Variants in GRID2 observed in about 807,000 individuals in gnomAD.
GRID2 encodes the protein glutamate receptor ionotropic, delta-2.
In GRID2, 33 loss-of-function variants were observed where a neutral mutation model predicts 114.8. The ratio of observed to expected loss-of-function variants is 0.29; its 90% CI spans 0.22 to 0.38. GRID2 has a LOEUF of 0.38. Ranked by LOEUF, GRID2 falls within the 10% of genes least tolerant of loss-of-function variation. The pLI, the probability that GRID2 is intolerant of heterozygous loss-of-function variation, is 1.00. For synonymous variants in GRID2, 505 were observed against 449.9 expected (o/e 1.12, Z -1.55); for missense variants, 1,184 against 1,257.7 (o/e 0.94, Z 0.89).
intron 11 of GRID2, among the ~76,000 whole-genome samples, chr4:93,457,311 A>G (rs572559098): frequency 6.6e-6 from 1 of 152,214 alleles, no homozygotes; most frequent in Non-Finnish European, 1.5e-5. Context: ...TTCTTGAGGA[A>G]GATGAATGGA....
At chr4:92,957,849 C>G (rs1290037318) in intron 2 of GRID2, among the ~76,000 whole-genome samples, 1 of 151,758 alleles carries the variant, frequency 6.6e-6, no homozygotes, top group Admixed American at 6.6e-5. Flanking sequence ...TGTAGTTTTC[C>G]TCATATAGAT....
intron 14 of GRID2, among the ~76,000 whole-genome samples, chr4:93,700,153 G>A (rs564658665): frequency 6.6e-6 from 1 of 152,074 alleles, no homozygotes; most frequent in East Asian, 1.9e-4. Context: ...CTTTACATTG[G>A]GATACTTTCA....
chr4:93,094,825 T>C (rs1351122668), intron 3 of GRID2, among the ~76,000 whole-genome samples: 1 of 151,882 alleles, frequency 6.6e-6, no homozygotes, highest in Non-Finnish European at 1.5e-5. Flanking sequence ...TTAGCCAAAA[T>C]TGAATTAAAG....
At position 93,784,645 on chromosome 4, in the gene GRID2, T is replaced by TACACACACACAC. The variant is rs59896203; in HGVS notation, c.221+15214_221+15225dup. The stretch of plus-strand genomic sequence containing the variant: ...TTTTATATTTTCAGAGTCCTTTTTA[T>TACACACACACAC]ACACACACACACACACACACACACA... On this transcript the variant is annotated intron_variant, in intron 1 of 1. Transcript: ENST00000637838. 2.1e-3 allele frequency among the ~76,000 whole-genome samples: 308 copies of TACACACACACAC among 147,734 alleles called. 1 individual carries two copies. The highest frequency in any genetic ancestry group is 7.3e-3 in the African/African-American group (294 of 40,086).
At chr4:93,466,375 G>A (rs1724272362) in intron 11 of GRID2, among the ~76,000 whole-genome samples, 1 of 152,202 alleles carries the variant, frequency 6.6e-6, no homozygotes, top group Admixed American at 6.5e-5. Context: ...GCAAGACAGA[G>A]GTAGAAGAAA....
intron 2 of GRID2, among the ~76,000 whole-genome samples, chr4:92,848,244 T>C (rs1743488805): frequency 6.6e-6 from 1 of 151,086 alleles, no homozygotes; most frequent in African/African-American, 2.4e-5. Context: ...CACAGAGATC[T>C]AGTTGCTAAT....
At chr4:92,407,231 C>G (rs560967486) in intron 1 of GRID2, among the ~76,000 whole-genome samples, 1 of 152,198 alleles carries the variant, frequency 6.6e-6, no homozygotes, top group South Asian at 2.1e-4. Flanking sequence ...CTGGGGATTA[C>G]AGTTCAAGGT....
At chr4:92,340,739 C>T (rs988730869) in intron 1 of GRID2, among the ~76,000 whole-genome samples, 6 of 152,306 alleles carry the variant, frequency 3.9e-5, no homozygotes, top group African/African-American at 1.2e-4. Flanking sequence ...CAGCATATTG[C>T]ATTGCAATTA....
chr4:92,384,537 T>C (rs1389687036), intron 1 of GRID2, among the ~76,000 whole-genome samples: 1 of 44,068 alleles, frequency 2.3e-5, no homozygotes, highest in Non-Finnish European at 4.2e-5. Flanking sequence ...TAATATATAA[T>C]ATAATATATA....
intron 14 of GRID2, among the ~76,000 whole-genome samples, chr4:93,741,331 C>G (rs1225471842): frequency 6.6e-6 from 1 of 151,178 alleles, no homozygotes; most frequent in East Asian, 1.9e-4. Flanking sequence ...AGGAAGATGG[C>G]AATGAGTGTT....
At chr4:93,794,207 C>T (rs1480090974) in intron 1 of GRID2, among the ~76,000 whole-genome samples, 2 of 152,112 alleles carry the variant, frequency 1.3e-5, no homozygotes, top group African/African-American at 4.8e-5. Flanking sequence ...TTTTAGATGG[C>T]AGTGATACGT....
chr4:92,648,905 T>A (rs1169089873), intron 2 of GRID2, among the ~76,000 whole-genome samples: 1 of 145,208 alleles, frequency 6.9e-6, no homozygotes. Flanking sequence ...ATCAGATACA[T>A]AAATATGATA....
intron 1 of GRID2, among the ~76,000 whole-genome samples, chr4:92,323,282 G>A (rs1726415366): frequency 1.3e-5 from 2 of 152,012 alleles, no homozygotes; most frequent in African/African-American, 2.4e-5. Context: ...TTTCATAAGT[G>A]TATATACATT....
chr4:93,674,172 A>T (rs2110072641), intron 14 of GRID2, among the ~76,000 whole-genome samples: 1 of 152,274 alleles, frequency 6.6e-6, no homozygotes, highest in East Asian at 1.9e-4. Context: ...AGTCAAAACA[A>T]ATTATATCTA....
intron 2 of GRID2, among the ~76,000 whole-genome samples, chr4:92,684,220 T>A (rs182410591): frequency 1.6e-3 from 237 of 152,114 alleles, no homozygotes; most frequent in African/African-American, 5.5e-3. Context: ...AATATCTAAT[T>A]TCAGAGGTGG....
chr4:93,086,070 T>G (rs1393092263), intron 3 of GRID2, among the ~76,000 whole-genome samples: 1 of 152,132 alleles, frequency 6.6e-6, no homozygotes, highest in Non-Finnish European at 1.5e-5. Flanking sequence ...TCCCTCTTAT[T>G]TGTGGCAGAA....
chr4:92,688,506 A>T (rs187536169), intron 2 of GRID2, among the ~76,000 whole-genome samples: 1 of 152,332 alleles, frequency 6.6e-6, no homozygotes, highest in Non-Finnish European at 1.5e-5. Context: ...TCATTTAAAC[A>T]GTATTCCCAA....
intron 4 of GRID2, among the ~76,000 whole-genome samples, chr4:93,193,053 T>C (rs1741142062): frequency 6.6e-6 from 1 of 152,230 alleles, no homozygotes; most frequent in Non-Finnish European, 1.5e-5. Context: ...TTCAAGTATG[T>C]CCTTGTCCTT....
intron 2 of GRID2, among the ~76,000 whole-genome samples, chr4:92,882,306 G>T (rs774041791): frequency 1.8e-4 from 28 of 152,156 alleles, no homozygotes; most frequent in Non-Finnish European, 3.2e-4. Flanking sequence ...ATTTAGCCAG[G>T]TGTGGTTTAC....
Sources: allele counts gnomAD v4.1 joint callset (sites outside exome capture counted in the v4.1 genomes callset), GRCh38; gene constraint gnomAD v4.1.1; transcripts MANE v1.5; gene names NCBI Gene and HGNC (gene_info 2026-07-23, HGNC 2026-07-21).